The following PRRX1 variants were observed in gnomAD, a reference collection of about 807,000 sequenced individuals.
PRRX1 encodes the protein paired related homeobox 1.
A neutral mutation model predicts 24.0 loss-of-function variants in PRRX1; 8 were observed. The ratio of observed to expected loss-of-function variants is 0.33; its 90% CI spans 0.20 to 0.60. The LOEUF (loss-of-function observed/expected upper bound fraction) is 0.60. Among genes scored for constraint, PRRX1 ranks in the 20% least tolerant of loss-of-function variants. The pLI, the probability that PRRX1 is intolerant of heterozygous loss-of-function variation, is 0.82. For missense variants in PRRX1, 281 were observed against 322.4 expected (o/e 0.87, Z 0.98); for synonymous variants, 160 against 131.7 (o/e 1.22, Z -1.47).
At chr1:170,664,994 C>G (rs1018784185) in intron 1 of PRRX1, among the ~76,000 whole-genome samples, 5 of 152,238 alleles carry the variant, frequency 3.3e-5, no homozygotes, top group Non-Finnish European at 7.3e-5. Context: ...ACCGTAAGGC[C>G]GGGCGCGACC....
intron 2 of PRRX1, among the ~76,000 whole-genome samples, 192 bp downstream of exon 2, chr1:170,720,093 C>G (rs1290386292): frequency 1.3e-5 from 2 of 152,074 alleles, no homozygotes; most frequent in Non-Finnish European, 2.9e-5. Flanking sequence ...CATAGTGAGA[C>G]CTCATCTCTA....
chr1:170,707,957 G>T (rs1012856007), intron 1 of PRRX1, among the ~76,000 whole-genome samples: 6 of 152,220 alleles, frequency 3.9e-5, no homozygotes, highest in African/African-American at 1.2e-4. Context: ...TGCCAAGGAA[G>T]AGAATGACCC....
intron 1 of PRRX1, among the ~76,000 whole-genome samples, chr1:170,679,929 A>C (rs1301329076): frequency 6.6e-6 from 1 of 152,114 alleles, no homozygotes; most frequent in African/African-American, 2.4e-5. Flanking sequence ...TCTATTTTGA[A>C]ATTTTGTTTA....
chr1:170,710,104 T>C (rs1253138198), intron 1 of PRRX1, among the ~76,000 whole-genome samples: 1 of 152,150 alleles, frequency 6.6e-6, no homozygotes, highest in African/African-American at 2.4e-5. Flanking sequence ...GAGGAATATG[T>C]CAATCATTGA....
chr1:170,706,809 TG>T (rs1654585621), intron 1 of PRRX1, among the ~76,000 whole-genome samples: 1 of 152,110 alleles, frequency 6.6e-6, no homozygotes, highest in South Asian at 2.1e-4. Context: ...CATTTGGTCT[TG>T]GGAAGACCTG....
upstream of PRRX1, chr1:170,663,940 T>C: frequency 2.1e-6 from 1 of 465,158 alleles, no homozygotes; most frequent in Admixed American, 3.5e-5. Context: ...GATTATCTCT[T>C]TGGACCGCGC....
intron 1 of PRRX1, among the ~76,000 whole-genome samples, chr1:170,697,690 A>G (rs1654215548): frequency 6.8e-6 from 1 of 147,994 alleles, no homozygotes; most frequent in African/African-American, 2.4e-5. Flanking sequence ...ATATATATAC[A>G]TATACAAATA....
At chr1:170,693,622 CAGCT>C (rs1252181728) in intron 1 of PRRX1, among the ~76,000 whole-genome samples, 1 of 152,038 alleles carries the variant, frequency 6.6e-6, no homozygotes, top group African/African-American at 2.4e-5. Flanking sequence ...AAAACTTACT[CAGCT>C]AGACTCTTAA....
intron 1 of PRRX1, chr1:170,667,448 G>A (rs1652978984): frequency 6.6e-6 from 1 of 152,184 alleles, no homozygotes; most frequent in African/African-American, 2.4e-5. Flanking sequence ...AGAATGGGAG[G>A]GCCTGACGAG....
rs139310276 is a variant in PRRX1 at position 170,729,800 on chromosome 1, C to T, written c.599+3399C>T. Among the ~76,000 whole-genome samples, 33 of 152,330 alleles carry T rather than the reference C, an allele frequency of 2.2e-4. No individual in the cohort carries two copies. The East Asian group carries it at 3.5e-3, about 16-fold the overall frequency. On this transcript the variant is annotated intron_variant, in intron 3 of 3. Transcript: ENST00000239461. ...TCCTGGCAGGTGCCTTCTTTACATC[C>T]GTGGCCAGTTAAAGGAAGCTTGTTT... is the stretch of plus-strand genomic sequence containing the variant.
chr1:170,694,696 C>T (rs1320553647), intron 1 of PRRX1, among the ~76,000 whole-genome samples: 1 of 151,346 alleles, frequency 6.6e-6, no homozygotes, highest in Non-Finnish European at 1.5e-5. Context: ...TTCAGGACTT[C>T]TGCTATTTTA....
rs189903121 is a variant in PRRX1 at position 170,672,805 on chromosome 1, T to C, written c.241+8346T>C. Among the ~76,000 whole-genome samples, 80 of 152,300 alleles carry C rather than the reference T, an allele frequency of 5.3e-4. 2 individuals carry two copies. The highest frequency in any genetic ancestry group is 5.2e-3 in the East Asian group (27 of 5,178). On this transcript the variant is annotated intron_variant, in intron 1 of 3. Coordinates refer to ENST00000239461, the MANE Select transcript of PRRX1 (RefSeq NM_022716.4). ...TGTTATTTTCCACACAAATTTAGTG[T>C]TAGTCTTCAAAGGGATTGTTAGATT...
intron 1 of PRRX1, among the ~76,000 whole-genome samples, chr1:170,702,654 T>C (rs1028283612): frequency 6.6e-6 from 1 of 152,190 alleles, no homozygotes; most frequent in Admixed American, 6.5e-5. Context: ...GTATCACATG[T>C]TTTCCATTCT....
At chr1:170,699,648 T>G (rs1434718690) in intron 1 of PRRX1, among the ~76,000 whole-genome samples, 4 of 152,140 alleles carry the variant, frequency 2.6e-5, no homozygotes, top group Non-Finnish European at 4.4e-5. Flanking sequence ...AAAGATTGGC[T>G]TGCTTGGATG....
At chr1:170,731,804 TG>T (rs2101926325) in intron 3 of PRRX1, among the ~76,000 whole-genome samples, 1 of 152,334 alleles carries the variant, frequency 6.6e-6, no homozygotes, top group African/African-American at 2.4e-5. Flanking sequence ...GATTTAAATG[TG>T]TCAGCTCTGT....
At chr1:170,724,170 T>A (rs1655177193) in intron 2 of PRRX1, among the ~76,000 whole-genome samples, 1 of 152,204 alleles carries the variant, frequency 6.6e-6, no homozygotes, top group South Asian at 2.1e-4. Flanking sequence ...TTAAGCTCCT[T>A]GTAGATTCTG....
intron 1 of PRRX1, among the ~76,000 whole-genome samples, chr1:170,705,401 G>A (rs1322999073): frequency 1.3e-5 from 2 of 152,064 alleles, no homozygotes; most frequent in African/African-American, 4.8e-5. Flanking sequence ...TCCCACCTCA[G>A]CCTCCCAGGT....
chr1:170,709,105 C>T (rs932590629), intron 1 of PRRX1, among the ~76,000 whole-genome samples: 1 of 152,118 alleles, frequency 6.6e-6, no homozygotes, highest in Non-Finnish European at 1.5e-5. Context: ...AAGCTATATT[C>T]TAGTGTGAGA....
chr1:170,719,592 G>A, intron 1 of PRRX1, 134 bp from the exon 2 acceptor site: 1 of 972,906 alleles, frequency 1.0e-6, no homozygotes. Flanking sequence ...ATGCAAAGTG[G>A]CATTTGGCTA....
Sources: allele counts gnomAD v4.1 joint callset (sites outside exome capture counted in the v4.1 genomes callset), GRCh38; gene constraint gnomAD v4.1.1; transcripts MANE v1.5; gene names NCBI Gene and HGNC (gene_info 2026-07-23, HGNC 2026-07-21).